The following NTM variants were observed in gnomAD, a reference collection of about 807,000 sequenced individuals.
NTM encodes IgLON family member 2.
Under a neutral mutation model 42.1 loss-of-function variants are expected in NTM, and 13 were observed. The observed-to-expected ratio is 0.31, with a 90% CI of 0.20 to 0.49. The LOEUF (loss-of-function observed/expected upper bound fraction) is 0.49, where lower values mean the gene tolerates loss of function less well. NTM is among the 20% of genes least tolerant of loss of function. NTM has a pLI of 0.99. For missense variants in NTM, 373 were observed against 452.8 expected, an observed-to-expected ratio of 0.82 and a Z score of 1.60; for synonymous variants, 187 against 179.2, an observed-to-expected ratio of 1.04 and a Z score of -0.35.
intron 1 of NTM, among the ~76,000 whole-genome samples, chr11:131,724,740 A>G (rs2078757926): frequency 6.6e-6 from 1 of 152,228 alleles, no homozygotes; most frequent in African/African-American, 2.4e-5. Flanking sequence ...CTCATAAATT[A>G]TAGACCTCAG....
intron 4 of NTM, among the ~76,000 whole-genome samples, chr11:132,230,876 C>T (rs1176771206): frequency 6.6e-6 from 1 of 152,116 alleles, no homozygotes; most frequent in Non-Finnish European, 1.5e-5. Flanking sequence ...ATTTTTTAAT[C>T]AGCTGGGTGT....
At chr11:131,868,928 A>G (rs2047492945) in intron 1 of NTM, among the ~76,000 whole-genome samples, 1 of 152,006 alleles carries the variant, frequency 6.6e-6, no homozygotes, top group Non-Finnish European at 1.5e-5. Context: ...TTTTCCCACT[A>G]CTGTTGCATA....
chr11:132,317,143 A>C (rs1317603424), intron 7 of NTM, among the ~76,000 whole-genome samples: 1 of 152,110 alleles, frequency 6.6e-6, no homozygotes, highest in African/African-American at 2.4e-5. Context: ...CATCACAAGC[A>C]CCTGATCGCT....
rs1592389221 is a variant in NTM at position 131,868,454 on chromosome 11, A to G, written c.83-43110A>G. On this transcript the variant is annotated intron_variant, in intron 1 of 8. Transcript: ENST00000683400. The stretch of plus-strand genomic sequence containing the variant: ...CACACCACCACAAGGTTAACCTTCC[A>G]GCCCAGCTCTGATTGTGTCGGGCTC... 2.0e-5 allele frequency among the ~76,000 whole-genome samples: 3 copies of G among 152,256 alleles called. No homozygotes were observed. In the South Asian group the frequency reaches 6.2e-4, roughly 32 times the overall value.
chr11:131,652,884 C>A (rs1033322475), intron 1 of NTM, among the ~76,000 whole-genome samples: 7 of 152,242 alleles, frequency 4.6e-5, no homozygotes, highest in Non-Finnish European at 7.3e-5. Flanking sequence ...GGCGGTCACT[C>A]CGCCTTCAGA....
chr11:132,090,327 G>GC (rs772870978), intron 2 of NTM, among the ~76,000 whole-genome samples: 34 of 151,876 alleles, frequency 2.2e-4, no homozygotes, highest in Admixed American at 7.2e-4. Flanking sequence ...AGCGTGTTAG[G>GC]CCCACGAAAA....
chr11:131,427,203 C>T (rs1364426365), intron 1 of NTM, among the ~76,000 whole-genome samples: 2 of 151,918 alleles, frequency 1.3e-5, no homozygotes, highest in Non-Finnish European at 2.9e-5. Flanking sequence ...AATGCTTTTT[C>T]TGTGGGTGTG....
intron 1 of NTM, among the ~76,000 whole-genome samples, chr11:131,745,398 G>A (rs945351558): frequency 1.8e-4 from 27 of 152,186 alleles, no homozygotes; most frequent in African/African-American, 6.3e-4. Context: ...CAAAGTGATG[G>A]AATAACTTGG....
At position 132,152,913 on chromosome 11, in the gene NTM, CAG is replaced by C. The variant is rs1170225702; in HGVS notation, c.400+6402_400+6403del. On this transcript the variant is annotated intron_variant, in intron 3 of 8. Transcript: ENST00000683400. ...TGGGAAGGGGTCCTCATGTTCTCTA[CAG>C]AGTTTGGAAAACTTGGCGTCTTTTG... is the stretch of plus-strand genomic sequence containing the variant. Among the ~76,000 whole-genome samples the C allele has an allele frequency of 2.6e-5, 4 of 152,286 alleles. No individual in the cohort carries two copies. The East Asian group carries it at 5.8e-4, about 22-fold the overall frequency.
At chr11:131,518,834 A>C (rs958480896) in intron 1 of NTM, among the ~76,000 whole-genome samples, 1 of 152,194 alleles carries the variant, frequency 6.6e-6, no homozygotes, top group African/African-American at 2.4e-5. Context: ...TGTCTGGCTT[A>C]AGGACAAATA....
intron 1 of NTM, among the ~76,000 whole-genome samples, chr11:131,373,912 C>T (rs1941576058): frequency 6.6e-6 from 1 of 152,344 alleles, no homozygotes; most frequent in African/African-American, 2.4e-5. Flanking sequence ...TCACACTCCC[C>T]TTCGCGCAGC....
At chr11:132,127,695 G>A (rs543524063) in intron 2 of NTM, among the ~76,000 whole-genome samples, 5 of 152,274 alleles carry the variant, frequency 3.3e-5, no homozygotes, top group South Asian at 4.1e-4. Flanking sequence ...GCGGCATTCC[G>A]GCGGATTACA....
chr11:131,952,154 C>A (rs2061074260), intron 2 of NTM, among the ~76,000 whole-genome samples: 1 of 152,140 alleles, frequency 6.6e-6, no homozygotes, highest in South Asian at 2.1e-4. Context: ...ATGTCCCTAT[C>A]CTCATAAAAC....
chr11:131,792,729 C>G (rs1046476277), intron 1 of NTM, among the ~76,000 whole-genome samples: 2 of 152,182 alleles, frequency 1.3e-5, no homozygotes, highest in African/African-American at 4.8e-5. Flanking sequence ...CCACGTGCAG[C>G]CCCTTGATCT....
At chr11:131,751,170 T>C (rs1165769522) in intron 1 of NTM, among the ~76,000 whole-genome samples, 1 of 152,166 alleles carries the variant, frequency 6.6e-6, no homozygotes, top group East Asian at 1.9e-4. Flanking sequence ...GCAAGGTGGC[T>C]CACACTTGTA....
intron 2 of NTM, among the ~76,000 whole-genome samples, chr11:131,931,281 A>T (rs976977532): frequency 6.6e-6 from 1 of 151,894 alleles, no homozygotes; most frequent in Admixed American, 6.6e-5. Flanking sequence ...TCTATACAAA[A>T]TACAAAAATT....
intron 1 of NTM, among the ~76,000 whole-genome samples, chr11:131,451,828 G>T (rs1323272967): frequency 2.0e-5 from 3 of 152,044 alleles, no homozygotes; most frequent in Non-Finnish European, 4.4e-5. Flanking sequence ...GAGATGTGAG[G>T]AGGAGCACAC....
At chr11:131,732,060 C>T (rs766122526) in intron 1 of NTM, among the ~76,000 whole-genome samples, 40 of 152,308 alleles carry the variant, frequency 2.6e-4, no homozygotes, top group Non-Finnish European at 4.7e-4. Flanking sequence ...TTAACTCAAA[C>T]TCTCTGGACC....
intron 1 of NTM, among the ~76,000 whole-genome samples, chr11:131,884,634 G>A (rs887752391): frequency 6.6e-5 from 10 of 152,020 alleles, no homozygotes; most frequent in African/African-American, 2.4e-4. Context: ...CTTGGGTCTA[G>A]CACAGGGAAA....
Sources: allele counts gnomAD v4.1 joint callset (sites outside exome capture counted in the v4.1 genomes callset), GRCh38; gene constraint gnomAD v4.1.1; transcripts MANE v1.5; gene names NCBI Gene and HGNC (gene_info 2026-07-23, HGNC 2026-07-21).